ALK: variants seen among roughly 807,000 people sequenced by gnomAD.
ALK encodes ALK tyrosine kinase receptor.
Under a neutral mutation model 163.1 loss-of-function variants are expected in ALK, and 74 were observed. The ratio of observed to expected loss-of-function variants is 0.45; its 90% confidence interval spans 0.38 to 0.55. The LOEUF (loss-of-function observed/expected upper bound fraction) is 0.55, where lower values mean the gene tolerates loss of function less well. Among genes scored for constraint, ALK ranks in the 20% least tolerant of loss-of-function variants. The pLI is 0.00. For synonymous variants in ALK, 960 were observed against 843.2 expected, an observed-to-expected ratio of 1.14 and a Z score of -2.40; for missense variants, 2,063 against 2,105.3, an observed-to-expected ratio of 0.98 and a Z score of 0.39.
chr2:29,219,199 GAGAC>G (rs1306711251), intron 23 of ALK, among the ~76,000 whole-genome samples: 4 of 152,204 alleles, frequency 2.6e-5, no homozygotes, highest in African/African-American at 9.7e-5. Context: ...GGGCTCTTAT[GAGAC>G]AGACAGGTGT....
intron 23 of ALK, among the ~76,000 whole-genome samples, chr2:29,214,687 C>T (rs1413685484): frequency 6.6e-6 from 1 of 152,190 alleles, no homozygotes; most frequent in Non-Finnish European, 1.5e-5. Flanking sequence ...ACCTCCCTAC[C>T]CCTCTGGGGA....
At chr2:29,895,898 G>A (rs994938640) in intron 1 of ALK, among the ~76,000 whole-genome samples, 3 of 152,194 alleles carry the variant, frequency 2.0e-5, no homozygotes, top group Non-Finnish European at 4.4e-5. Context: ...GTAGGCTACA[G>A]GTTATGGGTC....
chr2:29,558,489 T>C (rs537318953), intron 3 of ALK, among the ~76,000 whole-genome samples: 42 of 152,208 alleles, frequency 2.8e-4, no homozygotes, highest in South Asian at 2.7e-3. Context: ...ACAAGACTGG[T>C]CACTGCTACC....
intron 1 of ALK, among the ~76,000 whole-genome samples, chr2:29,901,767 G>A (rs572887720): frequency 2.0e-5 from 3 of 152,322 alleles, no homozygotes; most frequent in African/African-American, 7.2e-5. Context: ...TGGAGAGGGG[G>A]TCAGGAAGAT....
At chr2:29,615,091 C>G (rs956090347) in intron 3 of ALK, among the ~76,000 whole-genome samples, 2 of 152,262 alleles carry the variant, frequency 1.3e-5, no homozygotes, top group African/African-American at 4.8e-5. Flanking sequence ...AGTACTGGGC[C>G]TGCAGGCTTG....
Position 29,352,880 on chromosome 2 carries a change from C to T in ALK, c.1283-24399G>A, listed in dbSNP as rs532401667. Reference sequence around the variant, plus strand: ...AGAGATCTGACCTGATTCCATTTTGCTTCTAACCTACAAGCTGTCATTGTT... The same window carrying T: ...AGAGATCTGACCTGATTCCATTTTGTTTCTAACCTACAAGCTGTCATTGTT... On this transcript the variant is annotated intron_variant, in intron 5 of 28. Transcript: ENST00000389048. 3.3e-5 allele frequency among the ~76,000 whole-genome samples: 5 copies of T among 152,310 alleles called. No individual in the cohort carries two copies. The South Asian group carries it at 6.2e-4, about 19-fold the overall frequency.
chr2:29,726,130 T>C (rs1282154761), intron 1 of ALK, among the ~76,000 whole-genome samples: 1 of 152,110 alleles, frequency 6.6e-6, no homozygotes, highest in Non-Finnish European at 1.5e-5. Context: ...AATATCACTC[T>C]CCAGGTGGCC....
chr2:29,528,683 T>C (rs1254859717), intron 4 of ALK, among the ~76,000 whole-genome samples: 3 of 152,158 alleles, frequency 2.0e-5, no homozygotes, highest in Non-Finnish European at 2.9e-5. Context: ...CTAGCACTTA[T>C]TAGTGCCAAT....
chr2:29,485,604 T>G (rs1443409836), intron 4 of ALK, among the ~76,000 whole-genome samples: 1 of 152,222 alleles, frequency 6.6e-6, no homozygotes, highest in African/African-American at 2.4e-5. Flanking sequence ...TTTTTGGCTT[T>G]CTTTCTTGGC....
intron 4 of ALK, among the ~76,000 whole-genome samples, chr2:29,468,733 G>A (rs1214430314): frequency 6.6e-6 from 1 of 151,466 alleles, no homozygotes; most frequent in African/African-American, 2.4e-5. Flanking sequence ...ATGTGCCTGT[G>A]GTCCCAGCCA....
At chr2:29,852,004 T>C (rs1666008090) in intron 1 of ALK, among the ~76,000 whole-genome samples, 3 of 152,206 alleles carry the variant, frequency 2.0e-5, no homozygotes, top group South Asian at 4.1e-4. Flanking sequence ...AAAGAAAAGT[T>C]TCTTCATATT....
intron 1 of ALK, among the ~76,000 whole-genome samples, chr2:29,758,968 C>T (rs1318883799): frequency 1.3e-5 from 2 of 152,106 alleles, no homozygotes; most frequent in East Asian, 3.9e-4. Flanking sequence ...CAGGCTAAAT[C>T]TTGCTTTTTT....
intron 2 of ALK, among the ~76,000 whole-genome samples, chr2:29,699,409 C>T (rs1678667322): frequency 6.6e-6 from 1 of 152,160 alleles, no homozygotes; most frequent in South Asian, 2.1e-4. Context: ...GAAAGGACTA[C>T]CCCAAGGCAG....
chr2:29,913,916 G>C (rs1667768583), intron 1 of ALK, among the ~76,000 whole-genome samples: 1 of 152,102 alleles, frequency 6.6e-6, no homozygotes. Flanking sequence ...TAAAATAAAA[G>C]AGTTACCAGA....
intron 11 of ALK, among the ~76,000 whole-genome samples, chr2:29,256,689 C>T (rs1421144893): frequency 6.6e-6 from 1 of 151,878 alleles, no homozygotes; most frequent in Admixed American, 6.6e-5. Flanking sequence ...TGCTCAGGCC[C>T]AAAGAGTAGG....
Position 29,694,955 on chromosome 2 carries a change from G to C in ALK, c.847C>G (p.Leu283Val), listed in dbSNP as rs1386680783. Reference protein sequence around the residue: ...ELEYSPPLHDLRNQSWSWRRI... With the variant: ...ELEYSPPLHDVRNQSWSWRRI... The stretch of plus-strand genomic sequence containing the variant: ...CGCCAGGACCAGCTCTGGTTCCTGA[G>C]GTCATGCAGTGGAGGGGAATACTCC... Residue 283 changes from leucine to valine, a missense_variant, in exon 3 of 29, where the codon CTC (leucine) becomes GTC (valine). Coordinates refer to ENST00000389048, the MANE Select transcript of ALK (RefSeq NM_004304.5). 2 of 1,614,118 alleles carry C rather than the reference G, an allele frequency of 1.2e-6. No homozygotes were observed. Among genetic ancestry groups the C allele is most frequent in the Non-Finnish European group, 1.7e-6 (2 of 1,179,988 alleles).
intron 4 of ALK, among the ~76,000 whole-genome samples, chr2:29,459,125 T>G (rs2148100373): frequency 1.3e-5 from 2 of 152,266 alleles, no homozygotes; most frequent in African/African-American, 4.8e-5. Flanking sequence ...AACAAACAGC[T>G]TCTTGCAGCA....
intron 1 of ALK, among the ~76,000 whole-genome samples, chr2:29,756,262 G>T (rs1003083871): frequency 1.3e-5 from 2 of 152,164 alleles, no homozygotes; most frequent in African/African-American, 4.8e-5. Context: ...GGACCTTCCG[G>T]ACCTTTTAAA....
At chr2:29,236,236 G>A (rs927826865) in intron 13 of ALK, among the ~76,000 whole-genome samples, 7 of 152,066 alleles carry the variant, frequency 4.6e-5, no homozygotes, top group Admixed American at 1.3e-4. Flanking sequence ...TCTGGAGATG[G>A]AGGGGCTGCC....
Sources: allele counts gnomAD v4.1 joint callset (sites outside exome capture counted in the v4.1 genomes callset), GRCh38; gene constraint gnomAD v4.1.1; transcripts MANE v1.5; gene names NCBI Gene and HGNC (gene_info 2026-07-23, HGNC 2026-07-21).